Variants in TOP3B observed in about 807,000 individuals in gnomAD.
The protein encoded by TOP3B is DNA topoisomerase III beta, also known as DNA topoisomerase 3-beta-1.
A neutral mutation model predicts 93.9 loss-of-function variants in TOP3B; 45 were observed. The observed-to-expected ratio is 0.48, with a 90% CI of 0.38 to 0.61. The LOEUF (loss-of-function observed/expected upper bound fraction) is 0.61. TOP3B is among the 20% of genes least tolerant of loss of function. TOP3B has a pLI of 0.00. For missense variants in TOP3B, 750 were observed against 1,156.1 expected (o/e 0.65, Z 5.09); for synonymous variants, 357 against 472.6 (o/e 0.76, Z 3.17).
Position 21,964,278 on chromosome 22 carries a change from CCG to C in TOP3B, c.979_980del (p.Arg327AlafsTer19). ...AGCTGATGTAGCCTTGCGTGTAGAG[CCG>C]CTCAGCCGTCTGCATGGCGTGCTGC... ...GPQHAMQTAE[R>X]LYTQGYISYP... On this transcript the variant is annotated frameshift_variant, in exon 10 of 18. Coordinates refer to ENST00000357179, the MANE Select transcript of TOP3B (RefSeq NM_001282112.2). LOFTEE classifies it high-confidence loss of function. The C allele has an allele frequency of 6.2e-7, 1 of 1,614,048 alleles. No individual in the cohort carries two copies. The highest frequency in any genetic ancestry group is 2.2e-5 in the East Asian group (1 of 44,880).
At position 21,971,622 on chromosome 22, in the gene TOP3B, A is replaced by T. The variant is rs981157114; in HGVS notation, c.384+255T>A. 2 of 523,060 alleles carry T rather than the reference A, an allele frequency of 3.8e-6. No homozygotes were observed. The highest frequency in any genetic ancestry group is 3.8e-5 in the African/African-American group (2 of 52,026). 32.4% of individuals were successfully genotyped at this position (523,060 alleles called of 1,614,324 possible). On this transcript the variant is annotated intron_variant, in intron 5 of 17. Coordinates refer to ENST00000357179, the MANE Select transcript of TOP3B (RefSeq NM_001282112.2). The surrounding 1 kb of genome is among the most constrained non-coding windows in gnomAD (Gnocchi z 4.6). ...TCTGAAACCTGCATCCACCCAGACA[A>T]TTTGGCCCCTCCTATGTTCACTCAT...
intron 1 of TOP3B, among the ~76,000 whole-genome samples, chr22:21,981,752 C>T (rs528405178): frequency 2.6e-5 from 4 of 152,092 alleles, no homozygotes; most frequent in East Asian, 1.9e-4. Flanking sequence ...GCTGAGATCG[C>T]GCCACTGCAC....
chr22:21,971,027 C>T lies in TOP3B; in HGVS notation c.385-621G>A, dbSNP rs952053394. The T allele has an allele frequency of 2.7e-5, 35 of 1,301,696 alleles. No individual in the cohort carries two copies. Among genetic ancestry groups the T allele is most frequent in the African/African-American group, 7.6e-5 (5 of 65,786 alleles). The allele number at this position is 1,301,696 out of a possible 1,614,324, so 80.6% of individuals were successfully genotyped here. ...TAGGGTCGCCGCCGGAGCCTGGCCA[C>T]GCAGCTTCCTTACTGGGAATAAGTG... On this transcript the variant is annotated intron_variant, in intron 5 of 17. Transcript: ENST00000357179. The surrounding 1 kb of genome is among the most constrained non-coding windows in gnomAD (Gnocchi z 4.6).
chr22:21,968,582 C>T (rs1254313363), intron 7 of TOP3B, 37 bp downstream of exon 7: 1 of 1,609,880 alleles, frequency 6.2e-7, no homozygotes, highest in Non-Finnish European at 8.5e-7. Flanking sequence ...GCCCCAAACC[C>T]AGAAAGCCCC....
chr22:21,971,087 G>A lies in TOP3B; in HGVS notation c.385-681C>T. 1 of 1,297,498 alleles carries A rather than the reference G, an allele frequency of 7.7e-7. No homozygotes were observed. Among genetic ancestry groups the A allele is most frequent in the Non-Finnish European group, 1.0e-6 (1 of 983,694 alleles). The allele number at this position is 1,297,498 out of a possible 1,614,324, so 80.4% of individuals were successfully genotyped here. ...CTGAAGGGAGAAAGCCCCATGAGCT[G>A]CCCCCATTCTCCATTCCCAGATGCA... On this transcript the variant is annotated intron_variant, in intron 5 of 17. Transcript: ENST00000357179. The surrounding 1 kb of genome is among the most constrained non-coding windows in gnomAD (Gnocchi z 4.6).
Position 21,968,126 on chromosome 22 carries a change from G to A in TOP3B, c.739-410C>T, listed in dbSNP as rs938258140. The A allele has an allele frequency of 6.6e-5, 17 of 259,056 alleles. No individual in the cohort carries two copies. In the East Asian group the frequency reaches 1.3e-3, roughly 20 times the overall value. The allele number at this position is 259,056 out of a possible 1,614,324, so 16.0% of individuals were successfully genotyped here. On this transcript the variant is annotated intron_variant, in intron 7 of 17. Transcript: ENST00000357179. ...TTGCTAGGCTGGAGTGCAGTGGCAC[G>A]ATCGTAGCTCACTGTAGCCTTGGAC...
intron 16 of TOP3B, 171 bp from the exon 17 acceptor site, chr22:21,958,864 A>T (rs2071043205): frequency 8.2e-7 from 1 of 1,219,220 alleles, no homozygotes; most frequent in Non-Finnish European, 1.1e-6. Context: ...CAGAAAAGGC[A>T]GTTCTAAAAT....
chr22:21,972,865 C>A, intron 3 of TOP3B, 147 bp from the exon 4 acceptor site: 1 of 695,668 alleles, frequency 1.4e-6, no homozygotes, highest in South Asian at 1.6e-5. Flanking sequence ...TGATCAGAGG[C>A]AGAGCCAGGA....
At chr22:21,960,570 G>A in intron 13 of TOP3B, 121 bp from the exon 14 acceptor site, 4 of 1,394,162 alleles carry the variant, frequency 2.9e-6, no homozygotes, top group Non-Finnish European at 2.9e-6. Context: ...CCCGGTCACA[G>A]GAGGGAGGGC....
At position 21,963,559 on chromosome 22, in the gene TOP3B, C is replaced by T; in HGVS notation, c.1204+364G>A. ...CAGGTGGCTCCTGTCTCTACCTGCA[C>T]TGCTCTCCCTTCCTCATTTGCCTTC... On this transcript the variant is annotated intron_variant, in intron 11 of 17. Transcript: ENST00000357179. The surrounding 1 kb of genome is among the most constrained non-coding windows in gnomAD (Gnocchi z 4.8). 1 of 295,514 alleles carries T rather than the reference C, an allele frequency of 3.4e-6. No individual in the cohort carries two copies. The allele number at this position is 295,514 out of a possible 1,614,324, so 18.3% of individuals were successfully genotyped here.
chr22:21,975,861 C>T (rs2071846679), intron 1 of TOP3B, 54 bp from the exon 2 acceptor site: 3 of 1,155,334 alleles, frequency 2.6e-6, no homozygotes, highest in Non-Finnish European at 3.3e-6. Context: ...GAACCTACAC[C>T]ACTACAAGGA....
chr22:21,961,588 G>C (rs1569143267), intron 13 of TOP3B: 2 of 152,796 alleles, frequency 1.3e-5, no homozygotes, highest in East Asian at 3.9e-4. Flanking sequence ...ACCCCTGAGA[G>C]GAGCAAGCCC....
At chr22:21,976,264 C>T (rs997908391) in intron 1 of TOP3B, 1 of 152,548 alleles carries the variant, frequency 6.6e-6, no homozygotes, top group African/African-American at 2.4e-5. Context: ...GGACACTTTA[C>T]AAAATGCAGA....
intron 13 of TOP3B, 150 bp from the exon 14 acceptor site, chr22:21,960,599 T>G: frequency 3.8e-6 from 4 of 1,041,010 alleles, no homozygotes; most frequent in East Asian, 2.6e-5. Context: ...GAGCTCCCCC[T>G]GCACTGTGCT....
intron 17 of TOP3B, chr22:21,958,288 T>G: frequency 1.4e-6 from 2 of 1,424,358 alleles, no homozygotes; most frequent in Non-Finnish European, 1.8e-6. Context: ...GCCTGCTCGA[T>G]TCTGACACAG....
chr22:21,980,121 A>T (rs2084596951), intron 1 of TOP3B, among the ~76,000 whole-genome samples: 1 of 152,054 alleles, frequency 6.6e-6, no homozygotes, highest in African/African-American at 2.4e-5. Flanking sequence ...GATCACACAT[A>T]TGTGTGCACA....
rs2071545808 is a variant in TOP3B, at chr22:21,969,459, G to A, written c.582-684C>T. ...CTACTAAAAGTATAAAAATTAGCCG[G>A]GAGTGGTGGCAGGAGCCTGTAATCC... On this transcript the variant is annotated intron_variant, in intron 6 of 17. Transcript: ENST00000357179. 2.0e-5 allele frequency: 3 copies of A among 152,040 alleles called. 1 individual carries two copies. The highest frequency in any genetic ancestry group is 4.2e-4 in the South Asian group (2 of 4,814). 9.4% of individuals were successfully genotyped at this position (152,040 alleles called of 1,614,324 possible). A position where few individuals can be genotyped will look rare whatever the true frequency, so the allele number is the denominator to read the frequency against.
rs1475947471 is a variant in TOP3B, at chr22:21,970,003, C to G, written c.581+207G>C. On this transcript the variant is annotated intron_variant, in intron 6 of 17. Transcript: ENST00000357179. The surrounding 1 kb of genome is among the most constrained non-coding windows in gnomAD (Gnocchi z 4.4). ...CAGGCTGGTCTCAAACTGCCAACCTCAAGCAATCCTCCTATCCTGGTCTCC... is the reference window on the plus strand; with the variant it reads ...CAGGCTGGTCTCAAACTGCCAACCTGAAGCAATCCTCCTATCCTGGTCTCC... 2 of 491,530 alleles carry G rather than the reference C, an allele frequency of 4.1e-6. No individual in the cohort carries two copies. Among genetic ancestry groups the G allele is most frequent in the African/African-American group, 3.9e-5 (2 of 51,010 alleles). The allele number at this position is 491,530 out of a possible 1,614,324, so 30.4% of individuals were successfully genotyped here. A position where few individuals can be genotyped will look rare whatever the true frequency, so the allele number is the denominator to read the frequency against.
chr22:21,974,524 C>T, intron 2 of TOP3B, 36 bp from the exon 3 acceptor site: 2 of 1,561,576 alleles, frequency 1.3e-6, no homozygotes, highest in East Asian at 4.8e-5. Flanking sequence ...CTGGCTGCTT[C>T]AGCTGAGCTG....
Sources: gnomAD v4.1 joint callset for allele counts (sites outside exome capture counted in the v4.1 genomes callset) on GRCh38, gnomAD v4.1.1 for gene constraint, Gnocchi (gnomAD v3.1) non-coding constraint, MANE v1.5 for transcripts, NCBI Gene and HGNC (gene_info 2026-07-23, HGNC 2026-07-21) for gene names.